The following HNRNPM variants were observed in gnomAD, a reference collection of about 807,000 sequenced individuals.
HNRNPM encodes the protein heterogeneous nuclear ribonucleoprotein M.
Under a neutral mutation model 73.1 loss-of-function variants are expected in HNRNPM, and 11 were observed. The ratio of observed to expected loss-of-function variants is 0.15; its 90% CI spans 0.09 to 0.25. The LOEUF is 0.25. HNRNPM is among the 10% of genes least tolerant of loss of function. The pLI is 1.00. For synonymous variants in HNRNPM, 407 were observed against 355.2 expected (o/e 1.15, Z -1.64); for missense variants, 789 against 1,067.9 (o/e 0.74, Z 3.64).
intron 9 of HNRNPM, among the ~76,000 whole-genome samples, chr19:8,469,571 C>T (rs538629754): frequency 4.0e-4 from 61 of 152,176 alleles, no homozygotes; most frequent in Non-Finnish European, 8.2e-4. Flanking sequence ...TGTCTCGTGA[C>T]AGGGAAGGCT....
chr19:8,471,484 T>C (rs1372377136), intron 10 of HNRNPM, 57 bp downstream of exon 10: 16 of 1,039,820 alleles, frequency 1.5e-5, no homozygotes, highest in Middle Eastern at 2.1e-4. Context: ...TTATTAATTA[T>C]TGGGACAACT....
chr19:8,481,749 G>T (rs1440950607), intron 12 of HNRNPM, among the ~76,000 whole-genome samples: 1 of 152,136 alleles, frequency 6.6e-6, no homozygotes, highest in Non-Finnish European at 1.5e-5. Flanking sequence ...AAAGTAAGAC[G>T]TGTTGGACAA....
intron 10 of HNRNPM, among the ~76,000 whole-genome samples, chr19:8,473,292 G>A (rs1457185426): frequency 1.3e-5 from 2 of 151,884 alleles, no homozygotes; most frequent in African/African-American, 4.8e-5. Context: ...ATTAAAGTAT[G>A]TAGATCCCTC....
intron 11 of HNRNPM, among the ~76,000 whole-genome samples, 191 bp downstream of exon 11, chr19:8,473,899 C>G (rs142507061): frequency 5.3e-4 from 81 of 152,192 alleles, no homozygotes; most frequent in Non-Finnish European, 4.4e-5. Context: ...GTCTCACTAA[C>G]TAGCTCTGTG....
chr19:8,448,913 CT>C (rs1480736581), intron 1 of HNRNPM, among the ~76,000 whole-genome samples: 5 of 152,108 alleles, frequency 3.3e-5, no homozygotes, highest in Admixed American at 2.6e-4. Flanking sequence ...ATCAAGAAAA[CT>C]TTCGTTTTAA....
At chr19:8,476,219 C>A (rs114342631) in intron 12 of HNRNPM, among the ~76,000 whole-genome samples, 2 of 152,064 alleles carry the variant, frequency 1.3e-5, no homozygotes, top group African/African-American at 4.8e-5. Flanking sequence ...CTCCCCACAC[C>A]CTCTACAGCT....
intron 1 of HNRNPM, among the ~76,000 whole-genome samples, chr19:8,447,976 A>C (rs1911662674): frequency 6.6e-6 from 1 of 152,114 alleles, no homozygotes. Context: ...CAGTGAGCCG[A>C]GATTGGGCCA....
At chr19:8,480,320 G>A (rs1970823364) in intron 12 of HNRNPM, among the ~76,000 whole-genome samples, 1 of 145,174 alleles carries the variant, frequency 6.9e-6, no homozygotes, top group South Asian at 2.3e-4. Flanking sequence ...CTCCAGCCTG[G>A]GTGACAGAGT....
At chr19:8,451,523 G>A (rs922457276) in intron 1 of HNRNPM, among the ~76,000 whole-genome samples, 2 of 138,922 alleles carry the variant, frequency 1.4e-5, no homozygotes, top group African/African-American at 5.1e-5. Context: ...ACTTGAATAT[G>A]TCCCTCCCCT....
intron 5 of HNRNPM, 53 bp downstream of exon 5, chr19:8,463,739 A>G (rs1173069975): frequency 5.7e-6 from 7 of 1,234,982 alleles, no homozygotes; most frequent in East Asian, 2.4e-5. Context: ...GAGTGATCCT[A>G]CTTTGGAATT....
rs531035663 is a variant in HNRNPM, at chr19:8,485,730, C to G, written c.1302C>G (p.Ile434Met). The change falls in exon 14 of 16, where the codon ATC becomes ATG. Residue 434 changes from isoleucine to methionine, a missense_variant. Physicochemically the swap from Ile to Met is conservative, Grantham distance 10. This residue lies in a region of HNRNPM where 604 missense variants were observed against 744.0 expected (regional missense o/e 0.81). Transcript: ENST00000325495. ...GCATGGATCGCGTGGGCTCCGAGATCGAGCGCATGGGCCTGGTCATGGACC... is the reference window on the plus strand; with the variant it reads ...GCATGGATCGCGTGGGCTCCGAGATGGAGCGCATGGGCCTGGTCATGGACC... The part of the protein sequence containing the change: ...GHGMDRVGSE[I>M]ERMGLVMDRM... The G allele has an allele frequency of 8.7e-6, 14 of 1,606,232 alleles. No individual in the cohort carries two copies. The highest frequency in any genetic ancestry group is 1.1e-5 in the Non-Finnish European group (13 of 1,179,616).
chr19:8,472,723 C>T (rs991779486), intron 10 of HNRNPM, among the ~76,000 whole-genome samples: 1 of 152,064 alleles, frequency 6.6e-6, no homozygotes, highest in African/African-American at 2.4e-5. Flanking sequence ...GCTGGGATTA[C>T]AGGCATGTGC....
At chr19:8,484,798 G>A (rs1243899891) in intron 13 of HNRNPM, among the ~76,000 whole-genome samples, 1 of 152,202 alleles carries the variant, frequency 6.6e-6, no homozygotes, top group African/African-American at 2.4e-5. Flanking sequence ...AACTCGGCAT[G>A]TGGAAAGGGG....
At chr19:8,476,012 A>T (rs1970479255) in intron 12 of HNRNPM, among the ~76,000 whole-genome samples, 1 of 147,664 alleles carries the variant, frequency 6.8e-6, no homozygotes, top group Admixed American at 6.9e-5. Context: ...GGAAATCAGG[A>T]TGGGTTGGCC....
chr19:8,484,017 C>T (rs931015644), intron 13 of HNRNPM, among the ~76,000 whole-genome samples: 2 of 152,096 alleles, frequency 1.3e-5, no homozygotes, highest in Non-Finnish European at 2.9e-5. Flanking sequence ...ACCTGCATAC[C>T]TCCAGAGTGC....
rs1054381147 is a variant in HNRNPM, at chr19:8,485,958, C to T, written c.1530C>T (p.Arg510=). 1 of 1,606,782 alleles carries T rather than the reference C, an allele frequency of 6.2e-7. No individual in the cohort carries two copies. Among genetic ancestry groups the T allele is most frequent in the Non-Finnish European group, 8.5e-7 (1 of 1,179,444 alleles). ...ACCGTGTGGGCCAGACCATTGAGCGCATGGGCTCTGGCGTGGAGCGCATGG... is the reference window on the plus strand; with the variant it reads ...ACCGTGTGGGCCAGACCATTGAGCGTATGGGCTCTGGCGTGGAGCGCATGG... ...PIDRVGQTIE[R]MGSGVERMGP... The change falls in exon 14 of 16, where the codon CGC becomes CGT. Residue 510 remains arginine (R), a synonymous_variant. Transcript: ENST00000325495.
rs35193948 is a variant in HNRNPM at position 8,477,660 on chromosome 19, C to CAAA, written c.1120+3447_1120+3449dup. On this transcript the variant is annotated intron_variant, in intron 12 of 15. Transcript: ENST00000325495. ...GGGTTGACAGAGTGAAACCCTGTCT[C>CAAA]AAAAAAAAAAAAAAAAAAAAAAAAA... 1.8e-3 allele frequency among the ~76,000 whole-genome samples: 207 copies of CAAA among 117,030 alleles called. 2 individuals are homozygous for CAAA. The highest frequency in any genetic ancestry group is 7.2e-3 in the African/African-American group (193 of 26,928). The allele number at this position is 117,030 out of a possible 152,430, so 76.8% of individuals were successfully genotyped here.
Position 8,488,672 on chromosome 19 carries a change from T to C in HNRNPM, c.2030-19T>C. 1 of 1,601,372 alleles carries C rather than the reference T, an allele frequency of 6.2e-7. No homozygotes were observed. Among genetic ancestry groups the C allele is most frequent in the Non-Finnish European group, 8.5e-7 (1 of 1,172,030 alleles). ...AAAATCGGGACTGAGTGTCGTCTCTTCTTCCCTCCCTGTCCTAGGCCACGT... is the reference window on the plus strand; with the variant it reads ...AAAATCGGGACTGAGTGTCGTCTCTCCTTCCCTCCCTGTCCTAGGCCACGT... On this transcript the variant is annotated intron_variant, in intron 15 of 15. Transcript: ENST00000325495.
intron 9 of HNRNPM, 68 bp from the exon 10 acceptor site, chr19:8,471,258 T>A: frequency 1.0e-6 from 1 of 981,766 alleles, no homozygotes; most frequent in South Asian, 1.7e-5. Context: ...CACTAAACAC[T>A]CTTTTCCTTT....
Sources: gnomAD v4.1 joint callset for allele counts (sites outside exome capture counted in the v4.1 genomes callset) on GRCh38, gnomAD v4.1.1 for gene constraint, gnomAD v4.1.1 regional missense constraint, MANE v1.5 for transcripts, NCBI Gene and HGNC (gene_info 2026-07-23, HGNC 2026-07-21) for gene names.